TMEM177: variants seen among roughly 807,000 people sequenced by gnomAD.
TMEM177 encodes the protein transmembrane protein 177.
A neutral mutation model predicts 14.2 loss-of-function variants in TMEM177; 4 were observed. The ratio of observed to expected loss-of-function variants is 0.28; its 90% CI spans 0.14 to 0.64. The LOEUF (loss-of-function observed/expected upper bound fraction) is 0.64. TMEM177 is among the 30% of genes least tolerant of loss of function. The pLI, the probability that TMEM177 is intolerant of heterozygous loss-of-function variation, is 0.82. For missense variants in TMEM177, 344 were observed against 405.2 expected (o/e 0.85, Z 1.30); for synonymous variants, 179 against 174.5 (o/e 1.03, Z -0.20).
chr2:119,723,019 A>G, the TMEM177 span, among the ~76,000 whole-genome samples: 4 of 152,300 alleles, frequency 2.6e-5, no homozygotes, highest in South Asian at 2.1e-4. Context: ...TCTGTATCTA[A>G]TCGTGACTCT....
At chr2:119,719,357 T>C in the TMEM177 span, among the ~76,000 whole-genome samples, 7 of 152,290 alleles carry the variant, frequency 4.6e-5, no homozygotes, top group African/African-American at 1.7e-4. Context: ...TTCTTTGGGG[T>C]AAAGTCTTGA....
chr2:119,685,438 T>C (rs2177095), downstream of TMEM177, among the ~76,000 whole-genome samples: 115,373 of 151,862 alleles, frequency 0.76, 45,234 homozygotes, highest in South Asian at 0.86. Context: ...CACACAAACC[T>C]GATCCCCATG....
the TMEM177 span, among the ~76,000 whole-genome samples, chr2:119,704,066 C>T: frequency 2.0e-5 from 3 of 152,194 alleles, no homozygotes; most frequent in African/African-American, 7.2e-5. Flanking sequence ...GATACTTTAT[C>T]TGTATTATTT....
At chr2:119,706,085 C>T in the TMEM177 span, among the ~76,000 whole-genome samples, 8 of 149,540 alleles carry the variant, frequency 5.3e-5, no homozygotes, top group South Asian at 4.2e-4. Context: ...AGTGCAGTGG[C>T]GCAATCTTGC....
the TMEM177 span, among the ~76,000 whole-genome samples, chr2:119,697,943 A>G: frequency 1.3e-5 from 2 of 152,156 alleles, no homozygotes; most frequent in East Asian, 3.8e-4. Flanking sequence ...GGGGAGAGGG[A>G]GGTGGGGGAA....
rs1409082899 is a variant in TMEM177, at chr2:119,681,565, C to T, written c.712C>T (p.Leu238Phe). The change falls in exon 2 of 2, where the codon CTC becomes TTC. Residue 238 changes from leucine (L) to phenylalanine (F), a missense_variant. Transcript: ENST00000272521. ...ESWLDRRTASLSAAYACGGVE... is the reference protein window; with the variant it reads ...ESWLDRRTASFSAAYACGGVE... ...CTGGCTGGACCGCCGCACGGCCTCC[C>T]TCTCTGCAGCCTATGCCTGTGGTGG... is the stretch of plus-strand genomic sequence containing the variant. The T allele has an allele frequency of 1.9e-6, 3 of 1,614,258 alleles. No homozygotes were observed. The highest frequency in any genetic ancestry group is 1.1e-5 in the South Asian group (1 of 91,092).
downstream of TMEM177, among the ~76,000 whole-genome samples, chr2:119,685,450 GT>G (rs1199115961): frequency 6.6e-6 from 1 of 152,030 alleles, no homozygotes; most frequent in Non-Finnish European, 1.5e-5. Context: ...ATCCCCATGT[GT>G]GTGTAGATCA....
the TMEM177 span, among the ~76,000 whole-genome samples, chr2:119,693,050 G>A: frequency 6.6e-6 from 1 of 151,780 alleles, no homozygotes; most frequent in Admixed American, 6.6e-5. Flanking sequence ...AGAGAGGTTA[G>A]GTCCACTACA....
the TMEM177 span, among the ~76,000 whole-genome samples, chr2:119,703,287 C>T: frequency 6.6e-6 from 1 of 152,210 alleles, no homozygotes; most frequent in Admixed American, 6.5e-5. Flanking sequence ...ATCATGGTTT[C>T]CAGGGACCTC....
chr2:119,721,903 G>A, the TMEM177 span, among the ~76,000 whole-genome samples: 1 of 152,314 alleles, frequency 6.6e-6, no homozygotes, highest in East Asian at 1.9e-4. Flanking sequence ...ATCACCAGGA[G>A]AATGTCACAT....
the TMEM177 span, among the ~76,000 whole-genome samples, chr2:119,708,887 T>C: frequency 6.6e-6 from 1 of 152,218 alleles, no homozygotes; most frequent in Non-Finnish European, 1.5e-5. Context: ...TTGTTTTGTT[T>C]TCCTCATACT....
downstream of TMEM177, chr2:119,685,999 G>A (rs893094206): frequency 2.7e-6 from 1 of 367,192 alleles, no homozygotes; most frequent in Non-Finnish European, 4.9e-6. Flanking sequence ...GGAACAGGAC[G>A]GAAGGGCAGG....
the TMEM177 span, among the ~76,000 whole-genome samples, chr2:119,718,539 GCTA>G: frequency 6.6e-6 from 1 of 152,166 alleles, no homozygotes; most frequent in East Asian, 1.9e-4. Flanking sequence ...ATAATTATTT[GCTA>G]CTTTCAAAGG....
the TMEM177 span, among the ~76,000 whole-genome samples, chr2:119,696,604 G>A: frequency 6.6e-6 from 1 of 152,220 alleles, no homozygotes; most frequent in Admixed American, 6.5e-5. Flanking sequence ...AAGCAGGGCA[G>A]CAGTGGGACA....
the TMEM177 span, among the ~76,000 whole-genome samples, chr2:119,711,005 T>A: frequency 6.6e-6 from 1 of 152,022 alleles, no homozygotes; most frequent in Admixed American, 6.5e-5. Context: ...AAGATTATCT[T>A]CCCCATTGCA....
At chr2:119,703,276 C>T in the TMEM177 span, among the ~76,000 whole-genome samples, 1 of 152,200 alleles carries the variant, frequency 6.6e-6, no homozygotes, top group Admixed American at 6.5e-5. Flanking sequence ...GTTGATGGCA[C>T]ATCATGGTTT....
chr2:119,710,694 C>A, the TMEM177 span, among the ~76,000 whole-genome samples: 2 of 151,958 alleles, frequency 1.3e-5, no homozygotes, highest in Non-Finnish European at 2.9e-5. Flanking sequence ...ACTGCAAGCT[C>A]CACCTCCCGG....
At chr2:119,723,190 A>G in the TMEM177 span, among the ~76,000 whole-genome samples, 13 of 152,208 alleles carry the variant, frequency 8.5e-5, no homozygotes, top group African/African-American at 3.1e-4. Flanking sequence ...AAGCCATCGA[A>G]GACACGTCAA....
At chr2:119,680,696 C>T (rs1286273309) in intron 1 of TMEM177, 136 bp from the exon 2 acceptor site, 2 of 673,102 alleles carry the variant, frequency 3.0e-6, no homozygotes, top group East Asian at 2.7e-5. Flanking sequence ...AACACAGGCA[C>T]TCTGGCTCTA....
Sources: allele counts gnomAD v4.1 joint callset (sites outside exome capture counted in the v4.1 genomes callset), GRCh38; gene constraint gnomAD v4.1.1; transcripts MANE v1.5; gene names NCBI Gene and HGNC (gene_info 2026-07-23, HGNC 2026-07-21).